Variants in PAGE2B observed in about 807,000 individuals in gnomAD.
PAGE2B encodes PAGE family member 2B.
In PAGE2B, 5 loss-of-function variants were observed where a neutral mutation model predicts 7.6. The observed-to-expected ratio is 0.66, with a 90% CI of 0.34 to 1.38. PAGE2B has a LOEUF of 1.38. Ranked by LOEUF, PAGE2B falls within the 40% of genes most tolerant of loss-of-function variation. PAGE2B has a pLI of 0.04. For missense variants in PAGE2B, 70 were observed against 78.4 expected (o/e 0.89, Z 0.41); for synonymous variants, 29 against 26.7 (o/e 1.09, Z -0.27).
the PAGE2B span, among the ~76,000 whole-genome samples, chrX:55,047,199 A>T: frequency 9.2e-6 from 1 of 108,757 alleles, no homozygotes; most frequent in Admixed American, 9.9e-5. Context: ...TGTCCTTGCG[A>T]TAGTTTGCTG....
the PAGE2B span, among the ~76,000 whole-genome samples, chrX:55,048,027 T>C: frequency 8.9e-6 from 1 of 112,245 alleles, no homozygotes; most frequent in African/African-American, 3.2e-5. Context: ...TTCAGCTTTC[T>C]ACATATGGCT....
At chrX:55,074,869 G>A (rs184932302), upstream of PAGE2B, among the ~76,000 whole-genome samples, 103 of 112,547 alleles carry the variant, frequency 9.2e-4, 1 homozygote, top group Middle Eastern at 4.6e-3. Flanking sequence ...TGTCAGGAGC[G>A]CTGGTGGTTT....
the PAGE2B span, among the ~76,000 whole-genome samples, chrX:55,030,470 C>T: frequency 9.0e-6 from 1 of 111,373 alleles, no homozygotes; most frequent in Non-Finnish European, 1.9e-5. Flanking sequence ...CTGCTGTCAG[C>T]CCAGCAGGTA....
chrX:55,041,078 C>CTTTTTT, the PAGE2B span, among the ~76,000 whole-genome samples: 7 of 82,148 alleles, frequency 8.5e-5, no homozygotes, highest in Non-Finnish European at 7.2e-5. Flanking sequence ...TTCAATAATT[C>CTTTTTT]TTTTTTTTTT....
Position 55,077,610 on chromosome X carries a change from T to G in PAGE2B, c.319+86T>G, listed in dbSNP as rs1394363270. 4.2e-6 allele frequency: 5 copies of G among 1,187,404 alleles called. No homozygotes were observed. In the African/African-American group the frequency reaches 8.8e-5, roughly 21 times the overall value. ...CACAGAGGTAAAATTACTGCTACTT[T>G]AATATCATACTTCACGTCTGAAGGT... On this transcript the variant is annotated intron_variant, in intron 4 of 4. Transcript: ENST00000374971.
chrX:55,069,298 A>G, the PAGE2B span, among the ~76,000 whole-genome samples: 609 of 111,773 alleles, frequency 5.4e-3, 1 homozygote, highest in African/African-American at 0.018. Flanking sequence ...TGAGATAATC[A>G]TGTGGTTTTT....
At chrX:55,038,456 C>T in the PAGE2B span, among the ~76,000 whole-genome samples, 1 of 111,993 alleles carries the variant, frequency 8.9e-6, no homozygotes, top group Non-Finnish European at 1.9e-5. Flanking sequence ...ATAGGCTCAA[C>T]ACTGTTAGAC....
At chrX:55,035,626 T>G in the PAGE2B span, among the ~76,000 whole-genome samples, 1 of 112,091 alleles carries the variant, frequency 8.9e-6, no homozygotes, top group Non-Finnish European at 1.9e-5. Flanking sequence ...ACTGCAAGAA[T>G]GAACAGTGAT....
At chrX:55,051,771 G>A in the PAGE2B span, among the ~76,000 whole-genome samples, 4 of 111,119 alleles carry the variant, frequency 3.6e-5, no homozygotes, top group South Asian at 3.8e-4. Flanking sequence ...CCTTTAGCTC[G>A]GAGTAGTTTG....
chrX:55,032,020 T>G, the PAGE2B span, among the ~76,000 whole-genome samples: 2 of 111,958 alleles, frequency 1.8e-5, no homozygotes, highest in African/African-American at 6.5e-5. Context: ...GCACTGTAAT[T>G]TATTTAAACA....
At chrX:55,073,205 G>T (rs1185351521), upstream of PAGE2B, among the ~76,000 whole-genome samples, 2 of 111,997 alleles carry the variant, frequency 1.8e-5, no homozygotes, top group Non-Finnish European at 3.8e-5. Context: ...GCTGATGTTG[G>T]CACAAGAGGG....
chrX:55,065,112 T>C, the PAGE2B span, among the ~76,000 whole-genome samples: 1 of 112,079 alleles, frequency 8.9e-6, no homozygotes, highest in Admixed American at 9.5e-5. Flanking sequence ...GCTGATTTTC[T>C]GTCCAGGAGA....
the PAGE2B span, among the ~76,000 whole-genome samples, chrX:55,049,130 C>T: frequency 9.0e-6 from 1 of 110,921 alleles, no homozygotes; most frequent in Non-Finnish European, 1.9e-5. Context: ...ATATGTTGAA[C>T]CAGCCTTGCA....
the PAGE2B span, among the ~76,000 whole-genome samples, chrX:55,062,566 G>A: frequency 3.6e-5 from 4 of 111,477 alleles, no homozygotes; most frequent in Admixed American, 1.9e-4. Flanking sequence ...TCACTTTGTT[G>A]ATTGTTTCCT....
chrX:55,029,864 A>G, the PAGE2B span, among the ~76,000 whole-genome samples: 1 of 111,104 alleles, frequency 9.0e-6, no homozygotes, highest in Non-Finnish European at 1.9e-5. Flanking sequence ...TCAGCACCCA[A>G]TCTGTACTCC....
chrX:55,076,115 G>T lies in PAGE2B; in HGVS notation c.74G>T (p.Gly25Val), dbSNP rs3202391. The T allele has an allele frequency of 8.3e-7, 1 of 1,205,868 alleles. No individual in the cohort carries two copies. The highest frequency in any genetic ancestry group is 1.1e-6 in the Non-Finnish European group (1 of 891,483). Residue 25 changes from glycine to valine, a missense_variant, in exon 2 of 5, where the codon GGA becomes GTA. By Grantham distance (109) the Gly-to-Val change is moderately radical. Coordinates refer to ENST00000374971, the MANE Select transcript of PAGE2B (RefSeq NM_001015038.3). ...GNDQESSQPVGSVIVQEPTEE... is the reference protein window; with the variant it reads ...GNDQESSQPVVSVIVQEPTEE... Reference sequence around the variant, plus strand: ...GACCAAGAGTCTTCCCAGCCAGTTGGATCTGTGATTGTGAGTCCTTTAACA... The same window carrying T: ...GACCAAGAGTCTTCCCAGCCAGTTGTATCTGTGATTGTGAGTCCTTTAACA...
the PAGE2B span, among the ~76,000 whole-genome samples, chrX:55,038,288 C>A: frequency 9.0e-6 from 1 of 111,301 alleles, no homozygotes; most frequent in African/African-American, 3.3e-5. Flanking sequence ...TTACTTTATG[C>A]CTAAAAAAGC....
At chrX:55,066,979 G>T in the PAGE2B span, among the ~76,000 whole-genome samples, 2 of 109,570 alleles carry the variant, frequency 1.8e-5, no homozygotes, top group Non-Finnish European at 3.8e-5. Context: ...AATTTTTTTT[G>T]CCTCCTCTGA....
chrX:55,043,796 C>T, the PAGE2B span, among the ~76,000 whole-genome samples: 8 of 109,394 alleles, frequency 7.3e-5, no homozygotes, highest in African/African-American at 2.0e-4. Flanking sequence ...GAGAAACGCC[C>T]GCTCTACTAA....
Sources: allele counts gnomAD v4.1 joint callset (sites outside exome capture counted in the v4.1 genomes callset), GRCh38; gene constraint gnomAD v4.1.1; transcripts MANE v1.5; gene names NCBI Gene and HGNC (gene_info 2026-07-23, HGNC 2026-07-21).